CFAP299: variants seen among roughly 807,000 people sequenced by gnomAD.
CFAP299 encodes cilia- and flagella-associated protein 299.
A neutral mutation model predicts 27.0 loss-of-function variants in CFAP299; 21 were observed. That is an observed-to-expected ratio of 0.78 (90% CI 0.55 to 1.12). CFAP299 has a LOEUF of 1.12. CFAP299 is among the 50% of genes most tolerant of loss of function. The probability of loss-of-function intolerance (pLI) is 0.00; values close to 1 mark genes in which losing one functional copy is unlikely to be tolerated. For synonymous variants in CFAP299, 104 were observed against 98.1 expected (o/e 1.06, Z -0.36); for missense variants, 310 against 276.6 (o/e 1.12, Z -0.86).
intron 3 of CFAP299, among the ~76,000 whole-genome samples, chr4:80,601,076 T>A (rs1271266327): frequency 6.6e-6 from 1 of 152,154 alleles, no homozygotes; most frequent in Admixed American, 6.6e-5. Flanking sequence ...AGCTGCAACC[T>A]TCCCAGATGG....
At chr4:80,722,674 G>A (rs970898165) in intron 3 of CFAP299, among the ~76,000 whole-genome samples, 1 of 152,172 alleles carries the variant, frequency 6.6e-6, no homozygotes, top group African/African-American at 2.4e-5. Context: ...GCTGAGGCAG[G>A]CGGATCACGA....
chr4:80,545,766 A>G (rs1048856928), intron 2 of CFAP299, among the ~76,000 whole-genome samples: 1 of 152,224 alleles, frequency 6.6e-6, no homozygotes, highest in Non-Finnish European at 1.5e-5. Flanking sequence ...TCATTCTGAT[A>G]CCAAAGCCTG....
chr4:80,812,665 A>C (rs1160520416), intron 3 of CFAP299, among the ~76,000 whole-genome samples: 1 of 152,148 alleles, frequency 6.6e-6, no homozygotes, highest in Non-Finnish European at 1.5e-5. Flanking sequence ...AATTAGCGTC[A>C]ATAGAGTTAC....
rs145646081 is a variant in CFAP299, at chr4:80,619,082, A to G, written c.333+35899A>G. 3.0e-3 allele frequency among the ~76,000 whole-genome samples: 455 copies of G among 152,288 alleles called. 4 individuals carry two copies. Among genetic ancestry groups the G allele is most frequent in the African/African-American group, 0.011 (438 of 41,574 alleles). ...AAGCAGTTGAATATTTTATTTTGTT[A>G]GATGGTAATTATTCTGTCTGAACAT... is the stretch of plus-strand genomic sequence containing the variant. On this transcript the variant is annotated intron_variant, in intron 3 of 5. Transcript: ENST00000358105.
At chr4:80,853,704 G>T (rs1731659236) in intron 3 of CFAP299, among the ~76,000 whole-genome samples, 1 of 152,174 alleles carries the variant, frequency 6.6e-6, no homozygotes, top group African/African-American at 2.4e-5. Flanking sequence ...GAAGGTAGAG[G>T]CAACAAGACT....
chr4:80,386,756 T>G, intron 2 of CFAP299: 2 of 1,460,456 alleles, frequency 1.4e-6, no homozygotes, highest in Non-Finnish European at 1.9e-6. Flanking sequence ...GGCCTTCAGC[T>G]TGTCCGGCCG....
intron 3 of CFAP299, among the ~76,000 whole-genome samples, chr4:80,697,860 G>A (rs1204105076): frequency 6.6e-6 from 1 of 152,170 alleles, no homozygotes; most frequent in Non-Finnish European, 1.5e-5. Context: ...ATAATTTGGA[G>A]TGGAATGAGG....
chr4:80,479,761 A>T (rs141904523), intron 2 of CFAP299, among the ~76,000 whole-genome samples: 27 of 152,144 alleles, frequency 1.8e-4, no homozygotes, highest in Admixed American at 6.5e-4. Flanking sequence ...GAGCTACATT[A>T]CTTTTGTCCA....
At chr4:80,889,011 CAAAAAA>C (rs35328435) in intron 4 of CFAP299, among the ~76,000 whole-genome samples, 2 of 52,710 alleles carry the variant, frequency 3.8e-5, no homozygotes, top group East Asian at 7.0e-4. Context: ...AGTGCCTAAG[CAAAAAA>C]AAAAAAAAAA....
At chr4:80,440,136 T>C (rs920145789) in intron 2 of CFAP299, among the ~76,000 whole-genome samples, 3 of 152,164 alleles carry the variant, frequency 2.0e-5, no homozygotes, top group Admixed American at 2.0e-4. Context: ...TTCAGCAGAC[T>C]TAAACGTTCC....
chr4:80,608,923 G>A (rs1003773552), intron 3 of CFAP299, among the ~76,000 whole-genome samples: 122 of 151,608 alleles, frequency 8.0e-4, no homozygotes, highest in African/African-American at 2.8e-3. Context: ...TGATTAAAAG[G>A]AGAAGAATAA....
At chr4:80,490,845 C>A (rs575442950) in intron 2 of CFAP299, among the ~76,000 whole-genome samples, 1 of 151,858 alleles carries the variant, frequency 6.6e-6, no homozygotes, top group South Asian at 2.1e-4. Context: ...GAAGGGATTA[C>A]TGTCTTTTCA....
At chr4:80,936,418 A>G (rs1736892767) in intron 4 of CFAP299, among the ~76,000 whole-genome samples, 1 of 152,148 alleles carries the variant, frequency 6.6e-6, no homozygotes, top group Admixed American at 6.6e-5. Flanking sequence ...GATAAAGAAA[A>G]CGTAGTACAT....
At chr4:80,616,876 G>A (rs1196288437) in intron 3 of CFAP299, among the ~76,000 whole-genome samples, 1 of 151,930 alleles carries the variant, frequency 6.6e-6, no homozygotes, top group African/African-American at 2.4e-5. Context: ...TTTATTTTAA[G>A]AATTCTAAAT....
At chr4:80,847,427 C>G (rs376608347) in intron 3 of CFAP299, among the ~76,000 whole-genome samples, 1 of 152,158 alleles carries the variant, frequency 6.6e-6, no homozygotes, top group Non-Finnish European at 1.5e-5. Context: ...TAAACTCTCC[C>G]TCTTGGGAGT....
intron 2 of CFAP299, among the ~76,000 whole-genome samples, chr4:80,535,412 G>A (rs1322579766): frequency 1.4e-5 from 1 of 70,326 alleles, no homozygotes; most frequent in Non-Finnish European, 2.4e-5. Context: ...GGAGAATGGC[G>A]TGAACCCGGG....
intron 3 of CFAP299, among the ~76,000 whole-genome samples, chr4:80,753,822 G>A (rs1430015911): frequency 1.3e-5 from 2 of 151,902 alleles, no homozygotes; most frequent in Admixed American, 6.6e-5. Context: ...TTGTTTGTTC[G>A]TTTTAGTTTT....
At chr4:80,463,561 C>A (rs973810443) in intron 2 of CFAP299, among the ~76,000 whole-genome samples, 2 of 152,200 alleles carry the variant, frequency 1.3e-5, no homozygotes, top group African/African-American at 4.8e-5. Flanking sequence ...GCATAGACGT[C>A]CAAGTTCATG....
At chr4:80,538,629 T>TA (rs1157567021) in intron 2 of CFAP299, among the ~76,000 whole-genome samples, 1 of 150,262 alleles carries the variant, frequency 6.7e-6, no homozygotes, top group African/African-American at 2.5e-5. Flanking sequence ...CATAGATACT[T>TA]ACCTTTGTGT....
Sources: gnomAD v4.1 joint callset for allele counts (sites outside exome capture counted in the v4.1 genomes callset) on GRCh38, gnomAD v4.1.1 for gene constraint, MANE v1.5 for transcripts, NCBI Gene and HGNC (gene_info 2026-07-23, HGNC 2026-07-21) for gene names.